The following CLMN variants were observed in gnomAD, a reference collection of about 807,000 sequenced individuals.
The protein encoded by CLMN is calmin (calponin-like, transmembrane).
CLMN carries 57 observed loss-of-function variants against 92.7 expected under a neutral mutation model. The observed-to-expected ratio is 0.61, with a 90% CI of 0.50 to 0.77. CLMN has a LOEUF of 0.77. Among genes scored for constraint, CLMN ranks in the 30% least tolerant of loss-of-function variants. CLMN has a pLI of 0.00. For synonymous variants in CLMN, 466 were observed against 470.6 expected (o/e 0.99, Z 0.13); for missense variants, 1,158 against 1,237.5 (o/e 0.94, Z 0.96).
chr14:95,269,346 G>T (rs1899615378), intron 1 of CLMN, among the ~76,000 whole-genome samples: 2 of 152,058 alleles, frequency 1.3e-5, no homozygotes. Flanking sequence ...ATATCTTTAT[G>T]TATTTTCACA....
intron 1 of CLMN, among the ~76,000 whole-genome samples, chr14:95,272,886 T>TG (rs1899770217): frequency 6.6e-6 from 1 of 152,218 alleles, no homozygotes; most frequent in African/African-American, 2.4e-5. Flanking sequence ...GACAAACACT[T>TG]GCATGGTTCA....
chr14:95,223,914 T>C (rs1374449945), intron 2 of CLMN, 59 bp from the exon 3 acceptor site: 26 of 1,185,440 alleles, frequency 2.2e-5, no homozygotes, highest in East Asian at 2.3e-5. Flanking sequence ...CACAAAGCTA[T>C]GTCAGAGATG....
chr14:95,233,839 C>G (rs138910551), intron 1 of CLMN, among the ~76,000 whole-genome samples: 22 of 152,370 alleles, frequency 1.4e-4, no homozygotes, highest in South Asian at 1.2e-3. Flanking sequence ...GGTTTCACTT[C>G]TGCTCTAGCC....
In CLMN at chr14:95,203,932, C is replaced by T. The variant is rs2140576680; in HGVS notation, c.1417G>A (p.Glu473Lys). The T allele has an allele frequency of 1.2e-6, 2 of 1,614,148 alleles. No homozygotes were observed. The highest frequency in any genetic ancestry group is 1.7e-6 in the Non-Finnish European group (2 of 1,180,028). The change falls in exon 9 of 13, where the codon GAA (glutamate) becomes AAA (lysine). Residue 473 changes from glutamate (E) to lysine (K), a missense_variant. Coordinates refer to ENST00000298912, the MANE Select transcript of CLMN (RefSeq NM_024734.4). ...ATCTTCGAGGATTCCTGTTTCTGTT[C>T]CTTTTCCTCAGCAACCTCAACTGCC... ...VLAVEVAEEK[E>K]QKQESSKIPE...
chr14:95,193,956 C>A, intron 11 of CLMN, 37 bp from the exon 12 acceptor site: 1 of 1,605,686 alleles, frequency 6.2e-7, no homozygotes, highest in East Asian at 2.2e-5. Context: ...CCCCGCAACC[C>A]AATTAGTAAA....
intron 1 of CLMN, among the ~76,000 whole-genome samples, chr14:95,267,451 A>G (rs547900913): frequency 6.6e-6 from 1 of 152,344 alleles, no homozygotes; most frequent in Admixed American, 6.5e-5. Flanking sequence ...ATCACTAATC[A>G]TCAGGGAAAC....
At chr14:95,242,521 A>C (rs981984113) in intron 1 of CLMN, among the ~76,000 whole-genome samples, 3 of 151,130 alleles carry the variant, frequency 2.0e-5, no homozygotes, top group African/African-American at 7.3e-5. Flanking sequence ...TGGCCTCCCA[A>C]AGTGCTGGGA....
Position 95,204,466 on chromosome 14 carries a change from G to GAA in CLMN, c.886-4_886-3insTT. ...TTATCTGAATCGAAAATATCTTCCT[G>GAA]CAAAAAAAAACAAAAACAAACAAAC... On this transcript the variant is annotated splice_region_variant and splice_polypyrimidine_tract_variant and intron_variant, in intron 8 of 12. Transcript: ENST00000298912. 2.8e-6 allele frequency: 4 copies of GAA among 1,444,116 alleles called. No individual in the cohort carries two copies. The highest frequency in any genetic ancestry group is 3.7e-5 in the African/African-American group (2 of 54,500). The allele number at this position is 1,444,116 out of a possible 1,614,324, so 89.5% of individuals were successfully genotyped here.
chr14:95,202,268 A>C (rs920163243), intron 9 of CLMN, among the ~76,000 whole-genome samples: 4 of 152,166 alleles, frequency 2.6e-5, no homozygotes, highest in African/African-American at 9.7e-5. Context: ...CATAATCGCC[A>C]TTCTTACTGG....
rs1896538304 is a variant in CLMN at position 95,190,630 on chromosome 14, C to G, written c.*934G>C. ...TCCCGGAGTGCTGTCCAGAAAGCCT[C>G]TTCAAGAAACCCATTACAAGTGACC... is the stretch of plus-strand genomic sequence containing the variant. On this transcript the variant is annotated 3_prime_UTR_variant, in exon 13 of 13. Transcript: ENST00000298912. The G allele has an allele frequency of 6.6e-6, 1 of 152,316 alleles. No homozygotes were observed. Among genetic ancestry groups the G allele is most frequent in the Non-Finnish European group, 1.5e-5 (1 of 68,128 alleles). 9.4% of individuals were successfully genotyped at this position (152,316 alleles called of 1,614,324 possible).
chr14:95,312,688 CCA>C (rs1302793051), intron 1 of CLMN, among the ~76,000 whole-genome samples: 5 of 152,148 alleles, frequency 3.3e-5, no homozygotes, highest in Admixed American at 2.0e-4. Context: ...GATTCCTTGT[CCA>C]CAGATGTTGG....
At position 95,184,367 on chromosome 14, in the gene CLMN, G is replaced by A. The variant is rs1018384032; in HGVS notation, c.*7197C>T. On this transcript the variant is annotated 3_prime_UTR_variant, in exon 13 of 13. Coordinates refer to ENST00000298912, the MANE Select transcript of CLMN (RefSeq NM_024734.4). ...TCCTTTAAAGAGAACACTGCTAGAT[G>A]AAGCTATTCTTGACATCTGAGTGTC... is the stretch of plus-strand genomic sequence containing the variant. The A allele has an allele frequency of 1.3e-5, 2 of 152,232 alleles. No individual in the cohort carries two copies. The highest frequency in any genetic ancestry group is 2.9e-5 in the Non-Finnish European group (2 of 68,044). The allele number at this position is 152,232 out of a possible 1,614,324, so 9.4% of individuals were successfully genotyped here.
At chr14:95,260,300 G>A (rs1899198079) in intron 1 of CLMN, among the ~76,000 whole-genome samples, 1 of 152,110 alleles carries the variant, frequency 6.6e-6, no homozygotes, top group African/African-American at 2.4e-5. Context: ...AAATTAGCTG[G>A]GCGAGGTGGC....
chr14:95,313,452 C>T (rs1901627508), intron 1 of CLMN, among the ~76,000 whole-genome samples: 1 of 152,182 alleles, frequency 6.6e-6, no homozygotes, highest in Non-Finnish European at 1.5e-5. Flanking sequence ...AAACTTTATA[C>T]ACAAAAAGAG....
In CLMN at chr14:95,266,180, C is replaced by T. The variant is rs562615914; in HGVS notation, c.83-36047G>A. ...GTCCACTGTCATTACTTTTATTCAG[C>T]ATAGTACTGGAAGTCCTAGCTAGAG... On this transcript the variant is annotated intron_variant, in intron 1 of 12. Coordinates refer to ENST00000298912, the MANE Select transcript of CLMN (RefSeq NM_024734.4). Among the ~76,000 whole-genome samples, 400 of 152,326 alleles carry T rather than the reference C, an allele frequency of 2.6e-3. 3 individuals are homozygous for T. The highest frequency in any genetic ancestry group is 9.5e-3 in the African/African-American group (393 of 41,564).
chr14:95,204,772 A>C (rs1186355342), intron 8 of CLMN, among the ~76,000 whole-genome samples: 1 of 152,214 alleles, frequency 6.6e-6, no homozygotes, highest in Non-Finnish European at 1.5e-5. Context: ...CTAAAGAAGG[A>C]CAATCCCTTC....
At chr14:95,293,445 C>T (rs922195181) in intron 1 of CLMN, among the ~76,000 whole-genome samples, 3 of 148,544 alleles carry the variant, frequency 2.0e-5, no homozygotes, top group African/African-American at 5.0e-5. Context: ...CCCTTCCTCC[C>T]TATTTTCAAG....
At chr14:95,271,778 T>C (rs1284808147) in intron 1 of CLMN, among the ~76,000 whole-genome samples, 1 of 152,248 alleles carries the variant, frequency 6.6e-6, no homozygotes, top group Non-Finnish European at 1.5e-5. Context: ...AACATTTGCA[T>C]CACCCCAGAA....
At chr14:95,263,610 C>T (rs1334251155) in intron 1 of CLMN, among the ~76,000 whole-genome samples, 2 of 152,284 alleles carry the variant, frequency 1.3e-5, no homozygotes, top group South Asian at 2.1e-4. Flanking sequence ...GAGCCCTAAA[C>T]GTTACTTGGA....
Sources: gnomAD v4.1 joint callset for allele counts (sites outside exome capture counted in the v4.1 genomes callset) on GRCh38, gnomAD v4.1.1 for gene constraint, MANE v1.5 for transcripts, NCBI Gene and HGNC (gene_info 2026-07-23, HGNC 2026-07-21) for gene names.